Variants in CTNND2 observed in about 807,000 individuals in gnomAD.
The protein encoded by CTNND2 is catenin delta-2.
In CTNND2, 22 loss-of-function variants were observed where a neutral mutation model predicts 144.4. The ratio of observed to expected loss-of-function variants is 0.15; its 90% CI spans 0.11 to 0.22. The LOEUF (loss-of-function observed/expected upper bound fraction) is 0.22. Among genes scored for constraint, CTNND2 ranks in the 10% least tolerant of loss-of-function variants. The pLI is 1.00. For synonymous variants in CTNND2, 751 were observed against 695.6 expected (o/e 1.08, Z -1.25); for missense variants, 1,353 against 1,618.8 (o/e 0.84, Z 2.82).
intron 2 of CTNND2, among the ~76,000 whole-genome samples, chr5:11,651,013 G>A (rs1250857106): frequency 6.6e-6 from 1 of 152,194 alleles, no homozygotes; most frequent in Non-Finnish European, 1.5e-5. Flanking sequence ...CATAAGTAAA[G>A]AGAAGCCAAA....
chr5:11,025,467 G>A (rs898200334), intron 16 of CTNND2, among the ~76,000 whole-genome samples: 1 of 152,200 alleles, frequency 6.6e-6, no homozygotes, highest in African/African-American at 2.4e-5. Flanking sequence ...GTGACCTTGT[G>A]TTGTATGTTT....
At chr5:11,144,083 G>A (rs34364085) in intron 12 of CTNND2, among the ~76,000 whole-genome samples, 2,080 of 70,814 alleles carry the variant, frequency 0.029, 1 homozygote, top group East Asian at 0.1. Context: ...CCCCAGGTCT[G>A]CACCAGCTAG....
At position 11,076,370 on chromosome 5, in the gene CTNND2, T is replaced by A. The variant is rs534724648; in HGVS notation, c.2788+6326A>T. On this transcript the variant is annotated intron_variant, in intron 16 of 21. Coordinates refer to ENST00000304623, the MANE Select transcript of CTNND2 (RefSeq NM_001332.4). ...GGATGGGATTTGCCTAAAATAAGTG[T>A]CTGCCATCTACACCAGGAACTGTCC... is the stretch of plus-strand genomic sequence containing the variant. Among the ~76,000 whole-genome samples, 55 of 151,278 alleles carry A rather than the reference T, an allele frequency of 3.6e-4. No individual in the cohort carries two copies. The South Asian group carries it at 0.011, about 31-fold the overall frequency.
At chr5:11,829,453 T>A (rs1288081150) in intron 1 of CTNND2, among the ~76,000 whole-genome samples, 1 of 152,142 alleles carries the variant, frequency 6.6e-6, no homozygotes, top group East Asian at 1.9e-4. Context: ...GTGCCCTGCA[T>A]CCCAGCCATT....
chr5:11,904,044 GA>G lies in CTNND2; in HGVS notation c.-192del, dbSNP rs1738134118. On this transcript the variant is annotated 5_prime_UTR_variant, in exon 1 of 22. Transcript: ENST00000304623. This position sits in a 1 kb window ranked among gnomAD's most constrained non-coding sequence, Gnocchi z 4.2. ...GCGGGCGAGAGGCGGCTCCCGACGC[GA>G]GTGCGCAGCGCCCGGCCCGGCGGCC... 2.4e-6 allele frequency: 1 copy of G among 423,380 alleles called. No homozygotes were observed. The allele number at this position is 423,380 out of a possible 1,614,324, so 26.2% of individuals were successfully genotyped here.
chr5:11,042,322 T>C (rs1225751689), intron 16 of CTNND2, among the ~76,000 whole-genome samples: 1 of 152,236 alleles, frequency 6.6e-6, no homozygotes, highest in African/African-American at 2.4e-5. Context: ...GTTTTTAGTG[T>C]TGGCTGATAG....
At chr5:11,044,214 C>A (rs937064872) in intron 16 of CTNND2, among the ~76,000 whole-genome samples, 1 of 152,078 alleles carries the variant, frequency 6.6e-6, no homozygotes, top group Non-Finnish European at 1.5e-5. Flanking sequence ...ATGCAGACAC[C>A]AAACATGCCC....
intron 3 of CTNND2, among the ~76,000 whole-genome samples, chr5:11,528,882 G>A (rs1773493724): frequency 6.6e-6 from 1 of 152,224 alleles, no homozygotes; most frequent in African/African-American, 2.4e-5. Flanking sequence ...TGGCCCCAGA[G>A]GCTGCTGGGA....
At chr5:11,268,762 C>T (rs760359408) in intron 9 of CTNND2, among the ~76,000 whole-genome samples, 1 of 152,158 alleles carries the variant, frequency 6.6e-6, no homozygotes, top group Non-Finnish European at 1.5e-5. Context: ...ATTTAGAGCT[C>T]ATGTGCCTGC....
At chr5:11,738,739 C>A (rs72734951) in intron 1 of CTNND2, among the ~76,000 whole-genome samples, 21,612 of 152,128 alleles carry the variant, frequency 0.14, 1,696 homozygotes, top group East Asian at 0.27. Context: ...AGTGATACAG[C>A]CAGCATTCTT....
intron 3 of CTNND2, among the ~76,000 whole-genome samples, chr5:11,490,456 G>A (rs969858500): frequency 6.6e-6 from 1 of 152,040 alleles, no homozygotes; most frequent in Non-Finnish European, 1.5e-5. Flanking sequence ...GGCAAATATG[G>A]ACTAGGCACT....
chr5:11,706,590 C>T (rs1305323621), intron 2 of CTNND2, among the ~76,000 whole-genome samples: 3 of 152,190 alleles, frequency 2.0e-5, no homozygotes, highest in African/African-American at 7.2e-5. Flanking sequence ...TGTCAGCCAC[C>T]TGCCCTGGCC....
intron 2 of CTNND2, among the ~76,000 whole-genome samples, chr5:11,650,535 A>C (rs1409737403): frequency 6.6e-6 from 1 of 152,212 alleles, no homozygotes; most frequent in East Asian, 1.9e-4. Context: ...AGGGGTCAGA[A>C]GGAGACAGGA....
intron 1 of CTNND2, among the ~76,000 whole-genome samples, chr5:11,792,389 A>G (rs901668092): frequency 2.0e-5 from 3 of 152,230 alleles, no homozygotes; most frequent in African/African-American, 7.2e-5. Context: ...ATTTGTAACT[A>G]GCAAAACTAG....
At chr5:11,344,685 A>G (rs1006356689) in intron 9 of CTNND2, among the ~76,000 whole-genome samples, 1 of 152,088 alleles carries the variant, frequency 6.6e-6, no homozygotes, top group African/African-American at 2.4e-5. Context: ...TCTCTTATTC[A>G]TTCTAACCCT....
intron 9 of CTNND2, among the ~76,000 whole-genome samples, chr5:11,248,806 G>T (rs79759361): frequency 1.4e-3 from 212 of 152,322 alleles, no homozygotes; most frequent in Non-Finnish European, 2.8e-3. Flanking sequence ...TGTGAACCAT[G>T]AACACATACT....
intron 1 of CTNND2, among the ~76,000 whole-genome samples, chr5:11,849,266 G>A (rs1357196528): frequency 6.6e-6 from 1 of 151,962 alleles, no homozygotes; most frequent in Non-Finnish European, 1.5e-5. Flanking sequence ...ACAGTATAGG[G>A]GAAACTGCCC....
At chr5:11,718,767 T>G (rs1209667576) in intron 2 of CTNND2, among the ~76,000 whole-genome samples, 3 of 152,208 alleles carry the variant, frequency 2.0e-5, no homozygotes, top group African/African-American at 7.2e-5. Context: ...TCTCATGTAA[T>G]AATCTGTCAA....
chr5:11,429,673 T>C (rs1406101407), intron 3 of CTNND2, among the ~76,000 whole-genome samples: 2 of 152,180 alleles, frequency 1.3e-5, no homozygotes, highest in Non-Finnish European at 2.9e-5. Flanking sequence ...ATCGATACAT[T>C]GCTCTAACAA....
Sources: gnomAD v4.1 joint callset for allele counts (sites outside exome capture counted in the v4.1 genomes callset) on GRCh38, gnomAD v4.1.1 for gene constraint, Gnocchi (gnomAD v3.1) non-coding constraint, MANE v1.5 for transcripts, NCBI Gene and HGNC (gene_info 2026-07-23, HGNC 2026-07-21) for gene names.